The following IL1RAPL2 variants were observed in gnomAD, a reference collection of about 807,000 sequenced individuals.
IL1RAPL2 encodes interleukin 1 receptor accessory protein like 2.
A neutral mutation model predicts 44.1 loss-of-function variants in IL1RAPL2; 3 were observed. That is an observed-to-expected ratio of 0.07 (90% CI 0.03 to 0.18). The LOEUF (loss-of-function observed/expected upper bound fraction) is 0.18. IL1RAPL2 is among the 10% of genes least tolerant of loss of function. IL1RAPL2 has a pLI of 1.00. For missense variants in IL1RAPL2, 391 were observed against 496.4 expected, an observed-to-expected ratio of 0.79 and a Z score of 2.02; for synonymous variants, 181 against 178.8, an observed-to-expected ratio of 1.01 and a Z score of -0.10.
chrX:105,066,836 AG>A (rs1241913225), intron 2 of IL1RAPL2, among the ~76,000 whole-genome samples: 15 of 111,855 alleles, frequency 1.3e-4, no homozygotes, highest in African/African-American at 4.6e-4. Flanking sequence ...GAGTTCTAAA[AG>A]GAATGCCAAA....
chrX:104,780,533 T>G (rs1351873539), intron 2 of IL1RAPL2, among the ~76,000 whole-genome samples: 1 of 112,214 alleles, frequency 8.9e-6, no homozygotes, highest in Non-Finnish European at 1.9e-5. Flanking sequence ...CAGGTCTCAC[T>G]AGGCAGTGGT....
intron 2 of IL1RAPL2, among the ~76,000 whole-genome samples, chrX:104,963,934 T>TGA (rs201418326): frequency 0.018 from 1,892 of 102,639 alleles, 48 homozygotes; most frequent in African/African-American, 0.062. Flanking sequence ...TGTGTGTGTG[T>TGA]GAGAGAGAGA....
intron 6 of IL1RAPL2, among the ~76,000 whole-genome samples, chrX:105,611,284 T>C (rs1051823781): frequency 8.9e-6 from 1 of 111,866 alleles, no homozygotes; most frequent in African/African-American, 3.2e-5. Flanking sequence ...TAGTAAGCTA[T>C]GGTTAATTTA....
intron 5 of IL1RAPL2, among the ~76,000 whole-genome samples, chrX:105,286,633 C>A (rs2147666558): frequency 9.1e-6 from 1 of 109,343 alleles, no homozygotes. Flanking sequence ...AAAACAACTT[C>A]TATTAACACA....
chrX:105,354,541 A>G (rs2035185556), intron 5 of IL1RAPL2, among the ~76,000 whole-genome samples: 1 of 108,960 alleles, frequency 9.2e-6, no homozygotes, highest in African/African-American at 3.4e-5. Context: ...TAGGAGATAT[A>G]GCTAATGTTA....
chrX:105,470,855 T>A (rs2036161288), intron 5 of IL1RAPL2, among the ~76,000 whole-genome samples: 1 of 111,683 alleles, frequency 9.0e-6, no homozygotes, highest in Non-Finnish European at 1.9e-5. Context: ...TGAGTCTTGC[T>A]TTGGTGATCC....
chrX:105,739,410 T>C (rs920079068), intron 7 of IL1RAPL2, among the ~76,000 whole-genome samples: 1 of 108,983 alleles, frequency 9.2e-6, no homozygotes, highest in South Asian at 4.1e-4. Context: ...AGGTTAGTTA[T>C]ATATGTATAC....
intron 2 of IL1RAPL2, among the ~76,000 whole-genome samples, chrX:104,929,468 C>A (rs962126569): frequency 1.8e-5 from 2 of 111,791 alleles, no homozygotes; most frequent in African/African-American, 6.5e-5. Context: ...GCTTTGCTTG[C>A]CAATGTCAAC....
chrX:104,812,274 G>A (rs1158768769), intron 2 of IL1RAPL2, among the ~76,000 whole-genome samples: 1 of 111,372 alleles, frequency 9.0e-6, no homozygotes, highest in Non-Finnish European at 1.9e-5. Flanking sequence ...CAATATGATA[G>A]TGTCTATATT....
intron 5 of IL1RAPL2, among the ~76,000 whole-genome samples, chrX:105,387,484 C>T (rs60794682): frequency 0.049 from 5,410 of 110,125 alleles, 353 homozygotes; most frequent in African/African-American, 0.17. Context: ...CCACCCGCCT[C>T]GGCCTCCCAA....
At chrX:105,696,934 GGCTGTAAAAGCATA>G (rs2038080676) in intron 6 of IL1RAPL2, among the ~76,000 whole-genome samples, 1 of 111,398 alleles carries the variant, frequency 9.0e-6, no homozygotes, top group South Asian at 3.8e-4. Flanking sequence ...TGGTTCTGCA[GGCTGTAAAAGCATA>G]GCACCCACAT....
At chrX:104,822,096 T>G (rs187859545) in intron 2 of IL1RAPL2, among the ~76,000 whole-genome samples, 5 of 111,656 alleles carry the variant, frequency 4.5e-5, no homozygotes, top group Non-Finnish European at 5.7e-5. Context: ...GGGGTGTTTT[T>G]TTGTTGTTGT....
chrX:104,932,350 G>T (rs960747246), intron 2 of IL1RAPL2, among the ~76,000 whole-genome samples: 1 of 110,812 alleles, frequency 9.0e-6, no homozygotes, highest in Non-Finnish European at 1.9e-5. Flanking sequence ...GGAGGATAGG[G>T]TCAGAAACCT....
chrX:105,372,679 T>C (rs1307988595), intron 5 of IL1RAPL2, among the ~76,000 whole-genome samples: 1 of 111,267 alleles, frequency 9.0e-6, no homozygotes, highest in Non-Finnish European at 1.9e-5. Flanking sequence ...CCCCTCCACA[T>C]GTCCATGTAT....
chrX:105,726,579 G>A (rs754169582), intron 7 of IL1RAPL2, among the ~76,000 whole-genome samples: 22 of 111,254 alleles, frequency 2.0e-4, no homozygotes, highest in Admixed American at 1.9e-4. Context: ...CCAAGGTCAT[G>A]CAGCAGTTGT....
chrX:104,880,820 A>G (rs183185978), intron 2 of IL1RAPL2, among the ~76,000 whole-genome samples: 1 of 112,122 alleles, frequency 8.9e-6, no homozygotes, highest in East Asian at 2.8e-4. Flanking sequence ...TCCAAAATCA[A>G]AGGTGCAATA....
rs182602768 is a variant in IL1RAPL2 at position 105,694,366 on chromosome X, C to G, written c.773-23001C>G. The stretch of plus-strand genomic sequence containing the variant: ...ATGGATGGTAAGGAATGGAGAATTT[C>G]AAAACATACTTAGTAGGTAAAACCA... On this transcript the variant is annotated intron_variant, in intron 6 of 10. Coordinates refer to ENST00000372582, the MANE Select transcript of IL1RAPL2 (RefSeq NM_017416.2). 2.2e-3 allele frequency among the ~76,000 whole-genome samples: 243 copies of G among 111,906 alleles called. 2 individuals are homozygous for G. Among genetic ancestry groups the G allele is most frequent in the Non-Finnish European group, 3.7e-3 (197 of 53,144 alleles).
In IL1RAPL2 at chrX:105,578,615, A is replaced by C. The variant is rs1479229128; in HGVS notation, c.772+94228A>C. The stretch of plus-strand genomic sequence containing the variant: ...TCAGTGTATGGTAAGATGCCTTTAA[A>C]GCTCTTGGCCCCTTGAAAGTGCACC... On this transcript the variant is annotated intron_variant, in intron 6 of 10. Transcript: ENST00000372582. Among the ~76,000 whole-genome samples, 24 of 111,034 alleles carry C rather than the reference A, an allele frequency of 2.2e-4. 1 individual carries two copies. The highest frequency in any genetic ancestry group is 4.5e-4 in the Non-Finnish European group (24 of 52,909).
chrX:105,174,469 T>C (rs73638480), intron 2 of IL1RAPL2, among the ~76,000 whole-genome samples: 2,548 of 111,349 alleles, frequency 0.023, 68 homozygotes, highest in African/African-American at 0.079. Context: ...GGAGGGTGGA[T>C]GAAGATTGGG....
Sources: allele counts gnomAD v4.1 joint callset (sites outside exome capture counted in the v4.1 genomes callset), GRCh38; gene constraint gnomAD v4.1.1; transcripts MANE v1.5; gene names NCBI Gene and HGNC (gene_info 2026-07-23, HGNC 2026-07-21).